Variants in CNGB3 observed in about 807,000 individuals in gnomAD.
CNGB3 encodes cyclic nucleotide-gated channel beta-3.
Under a neutral mutation model 92.8 loss-of-function variants are expected in CNGB3, and 86 were observed. The observed-to-expected ratio is 0.93, with a 90% CI of 0.78 to 1.11. The LOEUF is 1.11. Ranked by LOEUF, CNGB3 falls within the 50% of genes least tolerant of loss-of-function variation. The probability of loss-of-function intolerance (pLI) is 0.00; values close to 1 mark genes in which losing one functional copy is unlikely to be tolerated. For synonymous variants in CNGB3, 333 were observed against 332.7 expected (o/e 1.00, Z -0.01); for missense variants, 1,026 against 956.8 (o/e 1.07, Z -0.95).
chr8:86,628,789 C>T (rs564700875), intron 12 of CNGB3, 130 bp downstream of exon 12: 27 of 979,516 alleles, frequency 2.8e-5, no homozygotes, highest in African/African-American at 4.9e-5. Context: ...TAGCATTAAA[C>T]GAATGCTTTA....
At chr8:86,713,132 T>G (rs1012408316) in intron 3 of CNGB3, among the ~76,000 whole-genome samples, 2 of 152,210 alleles carry the variant, frequency 1.3e-5, no homozygotes, top group Admixed American at 6.5e-5. Flanking sequence ...CTTAAAGGTG[T>G]TTTAAATTTT....
chr8:86,585,315 A>G (rs758081822), intron 15 of CNGB3, among the ~76,000 whole-genome samples: 7 of 151,050 alleles, frequency 4.6e-5, no homozygotes, highest in Admixed American at 6.6e-5. Flanking sequence ...GTGTGTATGT[A>G]TATATATATA....
At chr8:86,660,151 T>A in intron 6 of CNGB3, 1 of 305,582 alleles carries the variant, frequency 3.3e-6, no homozygotes, top group Non-Finnish European at 6.7e-6. Context: ...CCACCAGAAG[T>A]GGTTGTCTCA....
rs140944344 is a variant in CNGB3 at position 86,701,250 on chromosome 8, G to A, written c.338+25281C>T. On this transcript the variant is annotated intron_variant, in intron 3 of 17. Coordinates refer to ENST00000320005, the MANE Select transcript of CNGB3 (RefSeq NM_019098.5). Reference sequence around the variant, plus strand: ...GGCTTTAGAAAAATCTCTTTGGCAAGCAGACAGGTAGAGAGTATAAACTGG... The same window carrying A: ...GGCTTTAGAAAAATCTCTTTGGCAAACAGACAGGTAGAGAGTATAAACTGG... Among the ~76,000 whole-genome samples, 40 of 152,214 alleles carry A rather than the reference G, an allele frequency of 2.6e-4. No homozygotes were observed. The East Asian group carries it at 7.2e-3, about 27-fold the overall frequency.
At chr8:86,637,809 A>T (rs2131589742) in intron 10 of CNGB3, among the ~76,000 whole-genome samples, 1 of 152,262 alleles carries the variant, frequency 6.6e-6, no homozygotes, top group African/African-American at 2.4e-5. Context: ...TACCTGTGTA[A>T]CAAAACACAT....
intron 6 of CNGB3, chr8:86,661,733 T>A (rs1461910730): frequency 6.4e-7 from 1 of 1,560,100 alleles, no homozygotes; most frequent in Non-Finnish European, 8.8e-7. Flanking sequence ...TAGTGGTTGA[T>A]CTAGCATCTC....
At chr8:86,589,205 T>C (rs1286427669) in intron 15 of CNGB3, among the ~76,000 whole-genome samples, 1 of 150,472 alleles carries the variant, frequency 6.6e-6, no homozygotes, top group Non-Finnish European at 1.5e-5. Context: ...CATTTTTTAT[T>C]GTGTCTATTT....
In CNGB3 at chr8:86,670,099, C is replaced by T. The variant is rs368825444; in HGVS notation, c.493+845G>A. 2.0e-5 allele frequency among the ~76,000 whole-genome samples: 3 copies of T among 152,246 alleles called. No homozygotes were observed. The East Asian group carries it at 5.8e-4, about 29-fold the overall frequency. ...TCCTGACCTCGTGATCTGCCTGCCT[C>T]GGCCTCCCAAAGGGCTAGGATTACA... On this transcript the variant is annotated intron_variant, in intron 4 of 17. Transcript: ENST00000320005.
chr8:86,644,666 A>G lies in CNGB3; in HGVS notation c.1011T>C (p.Phe337=). 6.3e-7 allele frequency: 1 copy of G among 1,590,664 alleles called. No homozygotes were observed. Among genetic ancestry groups the G allele is most frequent in the African/African-American group, 1.3e-5 (1 of 74,296 alleles). Reference sequence around the variant, plus strand: ...CCATTATAGACTCTAGGTGATGATTAAATTCAAAAAATGAAGTGTACTATA... The same window carrying G: ...CCATTATAGACTCTAGGTGATGATTGAATTCAAAAAATGAAGTGTACTATA... ...RMLKYTSFFE[F]NHHLESIMDK... The change falls in exon 9 of 18, where the codon TTT becomes TTC. Residue 337 remains phenylalanine (F), a synonymous_variant. Coordinates refer to ENST00000320005, the MANE Select transcript of CNGB3 (RefSeq NM_019098.5).
rs2131529670 is a variant in CNGB3 at position 86,576,128 on chromosome 8, CT to C, written c.2105del (p.Lys702ArgfsTer127). 2 of 1,597,750 alleles carry C rather than the reference CT, an allele frequency of 1.3e-6. No individual in the cohort carries two copies. The highest frequency in any genetic ancestry group is 1.7e-6 in the Non-Finnish European group (2 of 1,176,752). Reference protein sequence around the residue: ...LKLKREQAAQKKENSEGGEEE... With the variant: ...LKLKREQAAQXKENSEGGEEE... Reference sequence around the variant, plus strand: ...CCTCTCCTCCTTCAGAATTTTCTTTCTTCTGGAAGGAGCAATTACAAAGAAC... The same window carrying C: ...CCTCTCCTCCTTCAGAATTTTCTTTCTCTGGAAGGAGCAATTACAAAGAAC... On this transcript the variant is annotated frameshift_variant and splice_region_variant, in exon 18 of 18. Coordinates refer to ENST00000320005, the MANE Select transcript of CNGB3 (RefSeq NM_019098.5). LOFTEE classifies it low-confidence loss of function (END_TRUNC).
chr8:86,604,432 G>C (rs1286213991), intron 14 of CNGB3, among the ~76,000 whole-genome samples: 3 of 152,158 alleles, frequency 2.0e-5, no homozygotes, highest in Admixed American at 2.0e-4. Context: ...CTCAACACGT[G>C]AGTACTGTTT....
intron 15 of CNGB3, among the ~76,000 whole-genome samples, chr8:86,585,969 G>T (rs1296619765): frequency 3.9e-5 from 6 of 152,142 alleles, no homozygotes; most frequent in Non-Finnish European, 5.9e-5. Context: ...AATATTCAGA[G>T]AAACAAATAA....
At chr8:86,658,383 A>G in intron 6 of CNGB3, 1 of 438,236 alleles carries the variant, frequency 2.3e-6, no homozygotes, top group Non-Finnish European at 4.3e-6. Flanking sequence ...GAGAGCCATG[A>G]GGGTCAGCTG....
intron 3 of CNGB3, among the ~76,000 whole-genome samples, chr8:86,687,012 T>C (rs1348049585): frequency 2.0e-5 from 3 of 152,054 alleles, no homozygotes; most frequent in Non-Finnish European, 4.4e-5. Flanking sequence ...AGCTTCATAG[T>C]AAAGTCATCT....
intron 15 of CNGB3, among the ~76,000 whole-genome samples, chr8:86,579,898 C>T (rs1467821883): frequency 6.6e-6 from 1 of 152,172 alleles, no homozygotes; most frequent in East Asian, 1.9e-4. Flanking sequence ...GTAACAGTTC[C>T]TTTGCTGTTG....
At chr8:86,613,882 A>G (rs955811388) in intron 13 of CNGB3, among the ~76,000 whole-genome samples, 2 of 148,020 alleles carry the variant, frequency 1.4e-5, no homozygotes, top group Admixed American at 6.8e-5. Flanking sequence ...AAGTACATAT[A>G]TAATATAAAA....
chr8:86,726,064 T>C (rs1288282957), intron 3 of CNGB3, among the ~76,000 whole-genome samples: 1 of 152,206 alleles, frequency 6.6e-6, no homozygotes, highest in African/African-American at 2.4e-5. Flanking sequence ...GATGTTCCAG[T>C]TCTGTAATTA....
intron 2 of CNGB3, among the ~76,000 whole-genome samples, chr8:86,729,153 C>T (rs565525733): frequency 5.9e-5 from 9 of 152,292 alleles, no homozygotes; most frequent in South Asian, 2.1e-4. Flanking sequence ...TCAAGCAATG[C>T]GCCTGTCAAA....
At chr8:86,690,884 T>C (rs1824298376) in intron 3 of CNGB3, among the ~76,000 whole-genome samples, 1 of 152,228 alleles carries the variant, frequency 6.6e-6, no homozygotes, top group Non-Finnish European at 1.5e-5. Context: ...TGTGGTGTTA[T>C]TTCTGAGGGC....
Sources: allele counts gnomAD v4.1 joint callset (sites outside exome capture counted in the v4.1 genomes callset), GRCh38; gene constraint gnomAD v4.1.1; transcripts MANE v1.5; gene names NCBI Gene and HGNC (gene_info 2026-07-23, HGNC 2026-07-21).